Variants in HOXC4 observed in about 807,000 individuals in gnomAD.
HOXC4 encodes the protein homeobox C4.
A neutral mutation model predicts 25.5 loss-of-function variants in HOXC4; 15 were observed. That is an observed-to-expected ratio of 0.59 (90% confidence interval 0.39 to 0.91). HOXC4 has a LOEUF of 0.91. Among genes scored for constraint, HOXC4 ranks in the 40% least tolerant of loss-of-function variants. HOXC4 has a pLI of 0.00. For synonymous variants in HOXC4, 165 were observed against 148.0 expected (o/e 1.11, Z -0.83); for missense variants, 342 against 352.4 (o/e 0.97, Z 0.24).
At chr12:54,018,143 G>T (rs1013547999) in intron 1 of HOXC4, among the ~76,000 whole-genome samples, 2 of 152,206 alleles carry the variant, frequency 1.3e-5, no homozygotes, top group Non-Finnish European at 2.9e-5. Flanking sequence ...TGCGTTGGGT[G>T]GAGGGTGGAG....
At chr12:54,046,518 C>A (rs977912878) in intron 1 of HOXC4, among the ~76,000 whole-genome samples, 1 of 151,916 alleles carries the variant, frequency 6.6e-6, no homozygotes, top group Admixed American at 6.6e-5. Context: ...TTCCCAATCC[C>A]CTTCTCTCCT....
intron 1 of HOXC4, among the ~76,000 whole-genome samples, chr12:54,019,383 G>A (rs1272632107): frequency 6.6e-6 from 1 of 152,202 alleles, no homozygotes; most frequent in Non-Finnish European, 1.5e-5. Flanking sequence ...CGGCAGGCCG[G>A]AACCCGGAGT....
intron 1 of HOXC4, chr12:54,020,928 T>C (rs1940405634): frequency 6.6e-6 from 1 of 152,232 alleles, no homozygotes; most frequent in South Asian, 2.1e-4. Context: ...TTAGAAATTA[T>C]TTTACAAGGG....
chr12:54,033,710 T>TA (rs1405304769), intron 1 of HOXC4: 134 of 766,224 alleles, frequency 1.7e-4, no homozygotes, highest in Non-Finnish European at 2.3e-4. Flanking sequence ...AACTGTCCAC[T>TA]AAAAGGCTTA....
intron 1 of HOXC4, among the ~76,000 whole-genome samples, chr12:54,032,090 C>T (rs1941006970): frequency 6.6e-6 from 1 of 152,222 alleles, no homozygotes; most frequent in Admixed American, 6.5e-5. Context: ...GGCATAGGTA[C>T]CACATAAGGA....
intron 1 of HOXC4, among the ~76,000 whole-genome samples, chr12:54,046,724 G>A (rs1010874656): frequency 9.2e-5 from 14 of 152,294 alleles, no homozygotes; most frequent in African/African-American, 3.1e-4. Flanking sequence ...GCCACAGTGG[G>A]AGAAGGGGCT....
chr12:54,048,054 C>G (rs1227125638), intron 1 of HOXC4: 1 of 151,952 alleles, frequency 6.6e-6, no homozygotes, highest in Non-Finnish European at 1.5e-5. Context: ...AAAGCATGCC[C>G]GGAAAGACTC....
intron 1 of HOXC4, among the ~76,000 whole-genome samples, chr12:54,037,025 C>T (rs1049854844): frequency 3.3e-5 from 5 of 152,228 alleles, no homozygotes; most frequent in Admixed American, 2.6e-4. Flanking sequence ...GTTTGGGCCT[C>T]TCCTTCCCTG....
intron 1 of HOXC4, among the ~76,000 whole-genome samples, chr12:54,037,379 G>T (rs896435647): frequency 6.6e-6 from 1 of 152,146 alleles, no homozygotes; most frequent in African/African-American, 2.4e-5. Flanking sequence ...TGCAAGCAGA[G>T]ACTATGGAGC....
chr12:54,030,339 T>C (rs7308105), intron 1 of HOXC4: 52,151 of 136,960 alleles, frequency 0.38, 9,101 homozygotes, highest in East Asian at 0.48. Context: ...GAGAGCCGGC[T>C]CCTGGGCCTG....
intron 1 of HOXC4, chr12:54,030,206 A>C (rs1449536185): frequency 1.2e-5 from 5 of 428,312 alleles, no homozygotes; most frequent in Non-Finnish European, 1.7e-5. Flanking sequence ...GCTTGTCTAC[A>C]GGCCCTTTTC....
At chr12:54,017,922 A>C (rs959863233) in intron 1 of HOXC4, among the ~76,000 whole-genome samples, 11 of 151,982 alleles carry the variant, frequency 7.2e-5, no homozygotes, top group African/African-American at 2.7e-4. Flanking sequence ...TCCCTCCCAG[A>C]GAGCGCGACT....
chr12:54,054,165 C>T lies in HOXC4; in HGVS notation c.243C>T (p.His81=), dbSNP rs1483073541. The T allele has an allele frequency of 6.2e-7, 1 of 1,613,680 alleles. No homozygotes were observed. Among genetic ancestry groups the T allele is most frequent in the Non-Finnish European group, 8.5e-7 (1 of 1,179,906 alleles). ...AGGGGCCCGGCAATTCGCGAGGCCA[C>T]GGGCCGGCCCAGGCGGGCCACCACC... ...SLQGPGNSRG[H]GPAQAGHHHP... is the part of the protein sequence containing the mutation. Residue 81 remains histidine (H), a synonymous_variant, in exon 1 of 2, where the codon CAC becomes CAT. Transcript: ENST00000430889.
At chr12:54,049,763 C>CACAT (rs1254959778), upstream of HOXC4, among the ~76,000 whole-genome samples, 1 of 149,226 alleles carries the variant, frequency 6.7e-6, no homozygotes, top group Non-Finnish European at 1.5e-5. Flanking sequence ...CACACACACA[C>CACAT]ACACACACAC....
In HOXC4 at chr12:54,037,493, G is replaced by A. The variant is rs552872631; in HGVS notation, c.-123-15667G>A. Among the ~76,000 whole-genome samples, 15 of 152,280 alleles carry A rather than the reference G, an allele frequency of 9.9e-5. No individual in the cohort carries two copies. The South Asian group carries it at 2.9e-3, about 29-fold the overall frequency. Reference sequence around the variant, plus strand: ...GGGGAGTGGGAAGAGGGGGGACACGGCCCACTCTGAGCAATTAGAGGAAAG... The same window carrying A: ...GGGGAGTGGGAAGAGGGGGGACACGACCCACTCTGAGCAATTAGAGGAAAG... On this transcript the variant is annotated intron_variant, in intron 1 of 3. Transcript: ENST00000303406.
At chr12:54,054,676 A>G (rs933044636) in intron 1 of HOXC4, among the ~76,000 whole-genome samples, 174 bp from the exon 2 acceptor site, 4 of 151,996 alleles carry the variant, frequency 2.6e-5, no homozygotes, top group African/African-American at 7.3e-5. Flanking sequence ...TTCCCCTCTT[A>G]TTACACTACA....
At chr12:54,049,037 C>A (rs138296005), upstream of HOXC4, among the ~76,000 whole-genome samples, 152 of 152,284 alleles carry the variant, frequency 1.0e-3, 1 homozygote, top group Middle Eastern at 3.4e-3. Flanking sequence ...ACACCCCAAA[C>A]CAAATTTTAA....
chr12:54,036,491 C>T (rs568423554), intron 1 of HOXC4, among the ~76,000 whole-genome samples: 71 of 152,176 alleles, frequency 4.7e-4, no homozygotes, highest in Non-Finnish European at 9.0e-4. Flanking sequence ...AGCTACCCAT[C>T]AGTCATTTTT....
At chr12:54,029,626 T>C in intron 1 of HOXC4, 1 of 1,601,546 alleles carries the variant, frequency 6.2e-7, no homozygotes, top group Non-Finnish European at 8.5e-7. Flanking sequence ...GCTGATTGCT[T>C]TTAGTGTGTT....
Sources: allele counts gnomAD v4.1 joint callset (sites outside exome capture counted in the v4.1 genomes callset), GRCh38; gene constraint gnomAD v4.1.1; transcripts MANE v1.5; gene names NCBI Gene and HGNC (gene_info 2026-07-23, HGNC 2026-07-21).